The following DPP6 variants were observed in gnomAD, a reference collection of about 807,000 sequenced individuals.
The protein encoded by DPP6 is A-type potassium channel modulatory protein DPP6.
A neutral mutation model predicts 122.6 loss-of-function variants in DPP6; 69 were observed. The ratio of observed to expected loss-of-function variants is 0.56; its 90% confidence interval spans 0.46 to 0.69. DPP6 has a LOEUF of 0.69. Among genes scored for constraint, DPP6 ranks in the 30% least tolerant of loss-of-function variants. DPP6 has a pLI of 0.00. For synonymous variants in DPP6, 418 were observed against 433.1 expected, an observed-to-expected ratio of 0.97 and a Z score of 0.43; for missense variants, 928 against 1,116.9, an observed-to-expected ratio of 0.83 and a Z score of 2.41.
chr7:153,882,123 G>T (rs547697545), upstream of DPP6, among the ~76,000 whole-genome samples: 10 of 152,190 alleles, frequency 6.6e-5, no homozygotes, highest in African/African-American at 2.4e-4. Context: ...AAAAACATTG[G>T]TTATATGCTT....
chr7:154,443,798 T>G (rs1819618956), intron 1 of DPP6, among the ~76,000 whole-genome samples: 1 of 152,188 alleles, frequency 6.6e-6, no homozygotes, highest in Admixed American at 6.5e-5. Context: ...TGAACATGCT[T>G]TTCCATTTTA....
At chr7:153,905,876 C>T (rs949608077) in intron 1 of DPP6, among the ~76,000 whole-genome samples, 5 of 152,120 alleles carry the variant, frequency 3.3e-5, no homozygotes, top group African/African-American at 1.2e-4. Flanking sequence ...GCGGTTTGAT[C>T]CTGGGAGCAA....
intron 7 of DPP6, among the ~76,000 whole-genome samples, chr7:154,713,109 C>T (rs1392465363): frequency 1.3e-5 from 2 of 152,228 alleles, no homozygotes; most frequent in Non-Finnish European, 2.9e-5. Context: ...GTCCAAAATC[C>T]AATAGGGCAG....
chr7:153,821,196 C>T, the DPP6 span, among the ~76,000 whole-genome samples: 2 of 152,020 alleles, frequency 1.3e-5, no homozygotes, highest in Non-Finnish European at 1.5e-5. Context: ...AATCCAAGGA[C>T]AGAGATCCAC....
intron 1 of DPP6, among the ~76,000 whole-genome samples, chr7:154,223,775 G>C (rs10952466): frequency 0.73 from 107,651 of 148,098 alleles, 42,344 homozygotes; most frequent in Non-Finnish European, 0.82. Flanking sequence ...CTTGGGGTGA[G>C]GGTAGAGTGA....
chr7:154,609,296 G>T (rs1027400275), intron 5 of DPP6, among the ~76,000 whole-genome samples: 1 of 152,220 alleles, frequency 6.6e-6, no homozygotes, highest in African/African-American at 2.4e-5. Context: ...GCCCATGCAA[G>T]TGAGCCCTGC....
chr7:153,945,033 C>T (rs1801883935), intron 1 of DPP6, among the ~76,000 whole-genome samples: 1 of 152,140 alleles, frequency 6.6e-6, no homozygotes, highest in South Asian at 2.1e-4. Flanking sequence ...TTCTTTCCCA[C>T]AGGTGTTGGC....
intron 1 of DPP6, among the ~76,000 whole-genome samples, chr7:154,216,196 C>T (rs1190329606): frequency 6.6e-6 from 1 of 152,172 alleles, no homozygotes; most frequent in Admixed American, 6.5e-5. Flanking sequence ...AGGGAGGAGA[C>T]CACAACAAAT....
rs192146970 is a variant in DPP6 at position 154,459,910 on chromosome 7, C to G, written c.358+13582C>G. 6.6e-5 allele frequency among the ~76,000 whole-genome samples: 10 copies of G among 150,574 alleles called. No individual in the cohort carries two copies. The East Asian group carries it at 7.8e-4, about 12-fold the overall frequency. On this transcript the variant is annotated intron_variant, in intron 2 of 25. Coordinates refer to ENST00000377770, the MANE Select transcript of DPP6 (RefSeq NM_130797.4). ...TTTCTCATACTGTCAGTTCTACAACCAGTCCCTAGATACTGTCACTTTCCA... is the reference window on the plus strand; with the variant it reads ...TTTCTCATACTGTCAGTTCTACAACGAGTCCCTAGATACTGTCACTTTCCA...
chr7:154,880,591 C>T (rs1278525739), intron 20 of DPP6, among the ~76,000 whole-genome samples: 1 of 152,174 alleles, frequency 6.6e-6, no homozygotes, highest in Non-Finnish European at 1.5e-5. Flanking sequence ...ACAGGGGCTG[C>T]GTCTCCCAGA....
intron 1 of DPP6, among the ~76,000 whole-genome samples, chr7:153,942,981 T>A (rs1422480887): frequency 6.6e-6 from 1 of 152,210 alleles, no homozygotes; most frequent in Non-Finnish European, 1.5e-5. Flanking sequence ...ATGCTAATGG[T>A]CAGCTGGCCC....
intron 3 of DPP6, among the ~76,000 whole-genome samples, chr7:154,522,119 A>G (rs55649296): frequency 0.036 from 5,502 of 152,038 alleles, 177 homozygotes; most frequent in African/African-American, 0.091. Context: ...ACCTGCCACC[A>G]CGCCCGGCTA....
At chr7:153,894,799 A>C (rs1288262571) in intron 1 of DPP6, among the ~76,000 whole-genome samples, 1 of 152,200 alleles carries the variant, frequency 6.6e-6, no homozygotes, top group Non-Finnish European at 1.5e-5. Context: ...GCCAAGATGC[A>C]GAACCAGTGG....
intron 1 of DPP6, among the ~76,000 whole-genome samples, chr7:154,414,308 A>G (rs748630486): frequency 2.6e-5 from 4 of 152,194 alleles, no homozygotes; most frequent in Non-Finnish European, 4.4e-5. Context: ...CTTCCCTATC[A>G]ATCATGGGGT....
At chr7:154,456,297 A>G (rs916989456) in intron 2 of DPP6, among the ~76,000 whole-genome samples, 3 of 152,196 alleles carry the variant, frequency 2.0e-5, no homozygotes, top group Admixed American at 6.5e-5. Flanking sequence ...TTGCTACTTC[A>G]TAATCCTCAA....
intron 4 of DPP6, among the ~76,000 whole-genome samples, chr7:154,558,117 G>T (rs1269498559): frequency 1.3e-5 from 2 of 151,048 alleles, no homozygotes; most frequent in African/African-American, 4.9e-5. Context: ...CCCCCCCACA[G>T]GCCCCAGTAT....
At chr7:153,871,826 GAGAGTCATT>G in the DPP6 span, among the ~76,000 whole-genome samples, 3 of 152,198 alleles carry the variant, frequency 2.0e-5, no homozygotes, top group African/African-American at 7.2e-5. Flanking sequence ...AGACAGTTTA[GAGAGTCATT>G]ATTCCATGGT....
intron 1 of DPP6, among the ~76,000 whole-genome samples, chr7:154,286,536 G>A (rs1233218669): frequency 6.6e-6 from 1 of 152,184 alleles, no homozygotes; most frequent in East Asian, 1.9e-4. Flanking sequence ...TTCCCCTGTA[G>A]GCAAGAGTAT....
chr7:154,288,877 G>A, intron 1 of DPP6, among the ~76,000 whole-genome samples: 1 of 152,240 alleles, frequency 6.6e-6, no homozygotes, highest in East Asian at 1.9e-4. Context: ...AAATGAAAGG[G>A]AAAGTTATAC....
Sources: gnomAD v4.1 joint callset for allele counts (sites outside exome capture counted in the v4.1 genomes callset) on GRCh38, gnomAD v4.1.1 for gene constraint, MANE v1.5 for transcripts, NCBI Gene and HGNC (gene_info 2026-07-23, HGNC 2026-07-21) for gene names.